DCDC2: variants seen among roughly 807,000 people sequenced by gnomAD.
The protein encoded by DCDC2 is doublecortin domain containing 2.
DCDC2 carries 40 observed loss-of-function variants against 50.2 expected under a neutral mutation model. That is an observed-to-expected ratio of 0.80 (90% CI 0.62 to 1.04). The LOEUF is 1.04. Ranked by LOEUF, DCDC2 falls within the 50% of genes least tolerant of loss-of-function variation. DCDC2 has a pLI of 0.00. For synonymous variants in DCDC2, 234 were observed against 210.6 expected (o/e 1.11, Z -0.96); for missense variants, 570 against 581.9 (o/e 0.98, Z 0.21).
At chr6:24,237,570 T>C (rs1361771396) in intron 7 of DCDC2, among the ~76,000 whole-genome samples, 1 of 152,144 alleles carries the variant, frequency 6.6e-6, no homozygotes, top group Non-Finnish European at 1.5e-5. Flanking sequence ...CATTACTGGG[T>C]AGATAACAAA....
intron 6 of DCDC2, among the ~76,000 whole-genome samples, chr6:24,279,048 C>T (rs1443575110): frequency 2.0e-5 from 3 of 152,126 alleles, no homozygotes; most frequent in African/African-American, 7.2e-5. Context: ...AATGAAGACC[C>T]TGTGGCTGCC....
At chr6:24,185,704 CACACACACACACACACACACACAT>C (rs1286708030) in intron 8 of DCDC2, among the ~76,000 whole-genome samples, 1 of 111,808 alleles carries the variant, frequency 8.9e-6, no homozygotes, top group East Asian at 5.1e-4. Flanking sequence ...CACACACACA[CACACACACACACACACACACACAT>C]ATACACACAG....
At chr6:24,268,491 G>GAAAC (rs1284751004) in intron 7 of DCDC2, among the ~76,000 whole-genome samples, 3 of 152,010 alleles carry the variant, frequency 2.0e-5, no homozygotes, top group African/African-American at 7.2e-5. Flanking sequence ...TGTCTCAAAA[G>GAAAC]AAACAAACAA....
chr6:24,275,866 A>ATTTT (rs10685261), intron 7 of DCDC2, among the ~76,000 whole-genome samples: 59,313 of 107,946 alleles, frequency 0.55, 19,146 homozygotes, highest in East Asian at 0.78. Flanking sequence ...CAATAATTCA[A>ATTTT]TTTTTTTTTT....
intron 2 of DCDC2, among the ~76,000 whole-genome samples, chr6:24,305,211 T>G (rs1759449945): frequency 6.6e-6 from 1 of 152,212 alleles, no homozygotes; most frequent in Non-Finnish European, 1.5e-5. Flanking sequence ...AGTATGTAAA[T>G]TATTACTTGA....
intron 7 of DCDC2, among the ~76,000 whole-genome samples, chr6:24,271,113 T>C (rs572280774): frequency 1.7e-3 from 240 of 141,434 alleles, no homozygotes; most frequent in Non-Finnish European, 3.0e-3. Flanking sequence ...CCCAGCTACG[T>C]GGGAGGATCA....
At chr6:24,369,133 C>CAA in the DCDC2 span, among the ~76,000 whole-genome samples, 715 of 92,714 alleles carry the variant, frequency 7.7e-3, 7 homozygotes, top group Non-Finnish European at 0.011. Context: ...GACTCTGTCT[C>CAA]AAAAAAAAAA....
the DCDC2 span, among the ~76,000 whole-genome samples, chr6:24,372,189 A>C: frequency 6.6e-6 from 1 of 152,180 alleles, no homozygotes; most frequent in Non-Finnish European, 1.5e-5. Context: ...TGGGAGGCCG[A>C]GGCGGGTGGA....
chr6:24,316,539 G>A (rs1307590332), intron 2 of DCDC2, among the ~76,000 whole-genome samples: 2 of 152,134 alleles, frequency 1.3e-5, no homozygotes, highest in Non-Finnish European at 2.9e-5. Flanking sequence ...AAGAAAACCT[G>A]AAGTTTTACA....
intron 2 of DCDC2, among the ~76,000 whole-genome samples, chr6:24,334,751 C>T (rs1760025813): frequency 6.6e-6 from 1 of 152,200 alleles, no homozygotes; most frequent in Non-Finnish European, 1.5e-5. Flanking sequence ...TTGAGAAACA[C>T]ACTGGTGAAG....
At chr6:24,351,826 C>A (rs182085697) in intron 2 of DCDC2, among the ~76,000 whole-genome samples, 3 of 152,284 alleles carry the variant, frequency 2.0e-5, no homozygotes, top group Non-Finnish European at 4.4e-5. Context: ...TATTTTAAGG[C>A]CGGGCTTGGT....
At chr6:24,258,486 C>A (rs906776919) in intron 7 of DCDC2, among the ~76,000 whole-genome samples, 1 of 152,108 alleles carries the variant, frequency 6.6e-6, no homozygotes, top group Non-Finnish European at 1.5e-5. Flanking sequence ...ATCCTAGCTA[C>A]AGAGTGCTGC....
intron 7 of DCDC2, among the ~76,000 whole-genome samples, chr6:24,236,286 T>G (rs767661885): frequency 6.6e-6 from 1 of 152,146 alleles, no homozygotes; most frequent in Non-Finnish European, 1.5e-5. Flanking sequence ...TGCACACCTA[T>G]AGCCATCTGA....
At chr6:24,377,460 A>T in the DCDC2 span, among the ~76,000 whole-genome samples, 1 of 152,196 alleles carries the variant, frequency 6.6e-6, no homozygotes, top group Admixed American at 6.5e-5. Flanking sequence ...CTAAGTAAAC[A>T]TTTGTATCTA....
At chr6:24,191,933 G>A (rs983465085) in intron 8 of DCDC2, among the ~76,000 whole-genome samples, 16 of 152,172 alleles carry the variant, frequency 1.1e-4, no homozygotes, top group African/African-American at 3.6e-4. Context: ...GGGAAGCCAA[G>A]AAGCAAGCCT....
Position 24,342,898 on chromosome 6 carries a change from C to T in DCDC2, c.348+10671G>A, listed in dbSNP as rs535018498. Reference sequence around the variant, plus strand: ...GATTAATAATCTCTGATATTACTTTCCAACATTTTTACTCTTTTCATGTAT... The same window carrying T: ...GATTAATAATCTCTGATATTACTTTTCAACATTTTTACTCTTTTCATGTAT... On this transcript the variant is annotated intron_variant, in intron 2 of 9. Coordinates refer to ENST00000378454, the MANE Select transcript of DCDC2 (RefSeq NM_016356.5). Among the ~76,000 whole-genome samples, 14 of 152,204 alleles carry T rather than the reference C, an allele frequency of 9.2e-5. No homozygotes were observed. The South Asian group carries it at 2.5e-3, about 27-fold the overall frequency.
At chr6:24,313,578 T>C (rs1397985986) in intron 2 of DCDC2, among the ~76,000 whole-genome samples, 1 of 152,216 alleles carries the variant, frequency 6.6e-6, no homozygotes, top group African/African-American at 2.4e-5. Context: ...TGACAGTGTG[T>C]ACATAACAAT....
intron 2 of DCDC2, 29 bp downstream of exon 2, chr6:24,353,540 T>C (rs778114027): frequency 2.1e-6 from 3 of 1,420,398 alleles, no homozygotes; most frequent in Non-Finnish European, 2.9e-6. Flanking sequence ...CGTTATTTAT[T>C]TGAATTTTCA....
chr6:24,191,399 C>T lies in DCDC2; in HGVS notation c.1024-12767G>A, dbSNP rs151015074. 3.3e-3 allele frequency among the ~76,000 whole-genome samples: 499 copies of T among 152,282 alleles called. 3 individuals are homozygous for T. The highest frequency in any genetic ancestry group is 5.5e-3 in the Admixed American group (84 of 15,294). On this transcript the variant is annotated intron_variant, in intron 8 of 9. Transcript: ENST00000378454. The stretch of plus-strand genomic sequence containing the variant: ...CCTATTTCTGGTTACAGCCTCTAAG[C>T]TGCAGTTTCTTTAAAATCACATTAT...
Sources: gnomAD v4.1 joint callset for allele counts (sites outside exome capture counted in the v4.1 genomes callset) on GRCh38, gnomAD v4.1.1 for gene constraint, MANE v1.5 for transcripts, NCBI Gene and HGNC (gene_info 2026-07-23, HGNC 2026-07-21) for gene names.